Variants in R3HDML observed in about 807,000 individuals in gnomAD.
The protein encoded by R3HDML is peptidase inhibitor R3HDML.
A neutral mutation model predicts 24.2 loss-of-function variants in R3HDML; 21 were observed. The ratio of observed to expected loss-of-function variants is 0.87; its 90% CI spans 0.62 to 1.25. The LOEUF (loss-of-function observed/expected upper bound fraction) is 1.25, where lower values mean the gene tolerates loss of function less well. Among genes scored for constraint, R3HDML ranks in the 50% most tolerant of loss-of-function variants. The pLI is 0.00. For missense variants in R3HDML, 301 were observed against 340.3 expected, an observed-to-expected ratio of 0.88 and a Z score of 0.91; for synonymous variants, 133 against 131.5, an observed-to-expected ratio of 1.01 and a Z score of -0.08.
intron 3 of R3HDML, among the ~76,000 whole-genome samples, chr20:44,343,998 T>C (rs28516622): frequency 0.38 from 57,260 of 151,830 alleles, 11,297 homozygotes; most frequent in Admixed American, 0.51. Flanking sequence ...AATAGTGAGG[T>C]GTGGCCATGC....
intron 1 of R3HDML, among the ~76,000 whole-genome samples, chr20:44,339,579 ATGTGTG>A (rs140076477): frequency 6.1e-5 from 9 of 147,908 alleles, no homozygotes; most frequent in Admixed American, 1.4e-4. Context: ...GCCTATATAT[ATGTGTG>A]TGTGTGTGTG....
rs2062796698 is a variant in R3HDML at position 44,348,489 on chromosome 20, CCTTTCCTT to C, written c.630-2170_630-2163del. 7.7e-5 allele frequency among the ~76,000 whole-genome samples: 7 copies of C among 90,984 alleles called. 1 individual carries two copies. In the South Asian group the frequency reaches 3.0e-3, roughly 38 times the overall value. 59.7% of individuals were successfully genotyped at this position (90,984 alleles called of 152,430 possible). Reference sequence around the variant, plus strand: ...CTTTCTCCTTTTCCCTTTCTCCTTTCCTTTCCTTTCCTTTCCTTTCCTTTCCTTTCTTT... The same window carrying C: ...CTTTCTCCTTTTCCCTTTCTCCTTTCTCCTTTCCTTTCCTTTCCTTTCTTT... On this transcript the variant is annotated intron_variant, in intron 4 of 4. Coordinates refer to ENST00000217043, the MANE Select transcript of R3HDML (RefSeq NM_178491.4).
intron 3 of R3HDML, chr20:44,344,930 C>T (rs146330281): frequency 6.8e-4 from 196 of 288,986 alleles, no homozygotes; most frequent in African/African-American, 4.0e-3. Flanking sequence ...TGACTGAGTG[C>T]AGTATGAAAT....
chr20:44,350,017 C>T (rs2062804293), intron 4 of R3HDML, among the ~76,000 whole-genome samples: 1 of 152,130 alleles, frequency 6.6e-6, no homozygotes, highest in Non-Finnish European at 1.5e-5. Flanking sequence ...CTGCAGTGAG[C>T]CAAGATCGCA....
rs934590636 is a variant in R3HDML at position 44,350,943 on chromosome 20, T to G, written c.*151T>G. 3.7e-6 allele frequency: 3 copies of G among 811,126 alleles called. No individual in the cohort carries two copies. In the African/African-American group the frequency reaches 5.3e-5, roughly 14 times the overall value. The allele number at this position is 811,126 out of a possible 1,614,324, so 50.2% of individuals were successfully genotyped here. A position where few individuals can be genotyped will look rare whatever the true frequency, so the allele number is the denominator to read the frequency against. ...TTCCCTCCTAGATCCCCTTCTTAAA[T>G]GTCCAACATGGGTCAAAAGAAAATG... On this transcript the variant is annotated 3_prime_UTR_variant, in exon 5 of 5. Transcript: ENST00000217043.
chr20:44,350,675 C>A lies in R3HDML; in HGVS notation c.645C>A (p.Gly215=). The change falls in exon 5 of 5, where the codon GGC becomes GGA. Residue 215 remains glycine, a synonymous_variant. Coordinates refer to ENST00000217043, the MANE Select transcript of R3HDML (RefSeq NM_178491.4). ...CNYAIKGNWI[G]ESPYKMGKPC... is the part of the protein sequence containing the mutation. ...TCTCTTCCAGGGGCAACTGGATTGG[C>A]GAGTCCCCGTACAAGATGGGAAAGC... 6.2e-7 allele frequency: 1 copy of A among 1,613,426 alleles called. No individual in the cohort carries two copies. Among genetic ancestry groups the A allele is most frequent in the Non-Finnish European group, 8.5e-7 (1 of 1,179,828 alleles).
chr20:44,343,460 C>G lies in R3HDML; in HGVS notation c.464C>G (p.Pro155Arg). 6.2e-7 allele frequency: 1 copy of G among 1,613,062 alleles called. No homozygotes were observed. The highest frequency in any genetic ancestry group is 8.5e-7 in the Non-Finnish European group (1 of 1,179,528). The change falls in exon 3 of 5, where the codon CCA becomes CGA. Residue 155 changes from proline to arginine, a missense_variant. Physicochemically the swap from Pro to Arg is moderately radical, Grantham distance 103 (BLOSUM62 -2). Coordinates refer to ENST00000217043, the MANE Select transcript of R3HDML (RefSeq NM_178491.4). ...YLFPAPRDCN[P>R]HCPWRCDGPT... Reference sequence around the variant, plus strand: ...TTTCCGGCCCCAAGGGACTGTAACCCACACTGCCCCTGGCGCTGCGATGGC... The same window carrying G: ...TTTCCGGCCCCAAGGGACTGTAACCGACACTGCCCCTGGCGCTGCGATGGC...
intron 1 of R3HDML, among the ~76,000 whole-genome samples, chr20:44,338,945 G>A (rs538682876): frequency 4.4e-4 from 67 of 151,858 alleles, no homozygotes; most frequent in Non-Finnish European, 7.1e-4. Flanking sequence ...GGTGATGAGC[G>A]CCTGTAATCC....
chr20:44,343,807 G>A (rs939556004), intron 3 of R3HDML, among the ~76,000 whole-genome samples: 2 of 151,604 alleles, frequency 1.3e-5, no homozygotes, highest in African/African-American at 4.9e-5. Flanking sequence ...GTGAAACTCT[G>A]TCCCCCCCGC....
chr20:44,349,402 AC>A (rs11476612), intron 4 of R3HDML, among the ~76,000 whole-genome samples: 15,327 of 152,068 alleles, frequency 0.1, 968 homozygotes, highest in Middle Eastern at 0.17. Flanking sequence ...CCCAGGTATC[AC>A]CACCACCCAC....
At chr20:44,346,447 T>A (rs1431681308) in intron 4 of R3HDML, among the ~76,000 whole-genome samples, 1 of 152,216 alleles carries the variant, frequency 6.6e-6, no homozygotes, top group Non-Finnish European at 1.5e-5. Flanking sequence ...AGTTTGAGAA[T>A]CACTGGGAAA....
Position 44,341,458 on chromosome 20 carries a change from C to G in R3HDML, c.380+144C>G, listed in dbSNP as rs556960872. The G allele has an allele frequency of 1.4e-5, 9 of 642,738 alleles. No individual in the cohort carries two copies. In the South Asian group the frequency reaches 1.8e-4, roughly 13 times the overall value. 39.8% of individuals were successfully genotyped at this position (642,738 alleles called of 1,614,324 possible). ...TCTCCACCTGCAGGGAGCCTGCATT[C>G]TAGTTAGAAGGGGCAGGCAAAACCC... On this transcript the variant is annotated intron_variant, in intron 2 of 4. Coordinates refer to ENST00000217043, the MANE Select transcript of R3HDML (RefSeq NM_178491.4).
At chr20:44,348,398 GCCTTCC>G (rs112391210) in intron 4 of R3HDML, among the ~76,000 whole-genome samples, 1,829 of 151,980 alleles carry the variant, frequency 0.012, 27 homozygotes, top group African/African-American at 0.04. Context: ...ACAGGCTTCG[GCCTTCC>G]CCTTCCCCTT....
At chr20:44,340,000 G>A (rs1382215571) in intron 1 of R3HDML, among the ~76,000 whole-genome samples, 1 of 151,906 alleles carries the variant, frequency 6.6e-6, no homozygotes, top group Non-Finnish European at 1.5e-5. Context: ...TGTTGCCCAG[G>A]ATGGAGTACA....
In R3HDML at chr20:44,337,356, C is replaced by T. The variant is rs776942779; in HGVS notation, c.199C>T (p.Leu67=). The T allele has an allele frequency of 1.2e-5, 20 of 1,614,246 alleles. No homozygotes were observed. The highest frequency in any genetic ancestry group is 1.7e-5 in the Non-Finnish European group (20 of 1,180,048). Residue 67 remains leucine, a synonymous_variant, in exon 1 of 5, where the codon CTG becomes TTG. Transcript: ENST00000217043. The surrounding 1 kb of genome is among the most constrained non-coding windows in gnomAD (Gnocchi z 4.7). ...CTCTGTGAGAGACATGAATGCCTTA[C>T]TGGATTATCACAACCACATCCGGGC... ...HISVRDMNAL[L]DYHNHIRASV... is the part of the protein sequence containing the mutation.
chr20:44,340,538 T>G (rs2062769473), intron 1 of R3HDML, among the ~76,000 whole-genome samples: 1 of 152,246 alleles, frequency 6.6e-6, no homozygotes, highest in African/African-American at 2.4e-5. Context: ...AAGTGCCCTG[T>G]AATCCCAGCA....
chr20:44,339,062 TAAAAAAAAAAAA>T lies in R3HDML; in HGVS notation c.261+1655_261+1666del, dbSNP rs750054379. 6.5e-4 allele frequency among the ~76,000 whole-genome samples: 72 copies of T among 111,550 alleles called. 1 individual carries two copies. The East Asian group carries it at 0.012, about 19-fold the overall frequency. The allele number at this position is 111,550 out of a possible 152,430, so 73.2% of individuals were successfully genotyped here. Reference sequence around the variant, plus strand: ...TGGATGACAAGAGTGAAACTCTATCTAAAAAAAAAAAAAAAAAAAAAATATTGGGCCAGACAA... The same window carrying T: ...TGGATGACAAGAGTGAAACTCTATCTAAAAAAAAAATATTGGGCCAGACAA... On this transcript the variant is annotated intron_variant, in intron 1 of 4. Coordinates refer to ENST00000217043, the MANE Select transcript of R3HDML (RefSeq NM_178491.4).
chr20:44,343,421 A>C lies in R3HDML; in HGVS notation c.425A>C (p.Lys142Thr). Residue 142 changes from lysine (K) to threonine (T), a missense_variant, in exon 3 of 5, where the codon AAG (lysine) becomes ACG (threonine). Coordinates refer to ENST00000217043, the MANE Select transcript of R3HDML (RefSeq NM_178491.4). ...VDLMKSWSEE[K>T]WHYLFPAPRD... ...CTCATGAAGTCCTGGTCTGAGGAGA[A>C]GTGGCATTACTTGTTTCCGGCCCCA... 6.2e-7 allele frequency: 1 copy of C among 1,613,230 alleles called. No individual in the cohort carries two copies. Among genetic ancestry groups the C allele is most frequent in the South Asian group, 1.1e-5 (1 of 90,866 alleles).
chr20:44,350,833 C>A lies in R3HDML; in HGVS notation c.*41C>A, dbSNP rs759926289. 27 of 1,605,670 alleles carry A rather than the reference C, an allele frequency of 1.7e-5. No homozygotes were observed. In the African/African-American group the frequency reaches 3.2e-4, roughly 19 times the overall value. ...TGGTGCGCCTCCAGCTGGGCCTGAC[C>A]CTCCATGTCCTGCCCTCAAAAAACT... On this transcript the variant is annotated 3_prime_UTR_variant, in exon 5 of 5. Transcript: ENST00000217043.
Sources: gnomAD v4.1 joint callset for allele counts (sites outside exome capture counted in the v4.1 genomes callset) on GRCh38, gnomAD v4.1.1 for gene constraint, Gnocchi (gnomAD v3.1) non-coding constraint, MANE v1.5 for transcripts, NCBI Gene and HGNC (gene_info 2026-07-23, HGNC 2026-07-21) for gene names.